DGKB: variants seen among roughly 807,000 people sequenced by gnomAD.
DGKB encodes 90 kDa diacylglycerol kinase.
In DGKB, 67 loss-of-function variants were observed where a neutral mutation model predicts 114.3. That is an observed-to-expected ratio of 0.59 (90% CI 0.48 to 0.72). The LOEUF is 0.72. Among genes scored for constraint, DGKB ranks in the 30% least tolerant of loss-of-function variants. DGKB has a pLI of 0.00. For synonymous variants in DGKB, 398 were observed against 323.1 expected (o/e 1.23, Z -2.49); for missense variants, 907 against 975.2 (o/e 0.93, Z 0.93).
At chr7:14,939,022 C>T (rs1785416969) in intron 1 of DGKB, among the ~76,000 whole-genome samples, 1 of 152,126 alleles carries the variant, frequency 6.6e-6, no homozygotes, top group Non-Finnish European at 1.5e-5. Context: ...CAGATTCACA[C>T]ACATTGCTGT....
chr7:14,166,399 T>C (rs190857839), intron 25 of DGKB, among the ~76,000 whole-genome samples: 48 of 152,350 alleles, frequency 3.2e-4, no homozygotes, highest in African/African-American at 1.1e-3. Flanking sequence ...ATTAGACTTA[T>C]TTAGTATTTT....
chr7:14,644,649 C>CA (rs1008965488), intron 13 of DGKB, among the ~76,000 whole-genome samples: 27 of 150,692 alleles, frequency 1.8e-4, no homozygotes, highest in Middle Eastern at 3.4e-3. Flanking sequence ...TAGTCACACA[C>CA]AAAAAAAAGA....
chr7:14,408,360 G>A (rs939913250), intron 21 of DGKB, among the ~76,000 whole-genome samples: 1 of 152,088 alleles, frequency 6.6e-6, no homozygotes, highest in Non-Finnish European at 1.5e-5. Context: ...GGACATTTCT[G>A]AAATCAATAA....
intron 15 of DGKB, among the ~76,000 whole-genome samples, chr7:14,617,716 C>A (rs1412646107): frequency 6.6e-6 from 1 of 151,640 alleles, no homozygotes; most frequent in Non-Finnish European, 1.5e-5. Context: ...CTACCACTTT[C>A]CATCTTGCCC....
intron 23 of DGKB, among the ~76,000 whole-genome samples, chr7:14,240,964 G>C (rs1793551133): frequency 6.6e-6 from 1 of 152,060 alleles, no homozygotes; most frequent in African/African-American, 2.4e-5. Context: ...TCCTTCAATA[G>C]ATATGACTTT....
chr7:14,356,486 C>T (rs1455938008), intron 21 of DGKB, among the ~76,000 whole-genome samples: 1 of 151,510 alleles, frequency 6.6e-6, no homozygotes, highest in Non-Finnish European at 1.5e-5. Flanking sequence ...CTCAGCCTCC[C>T]GAGTAGCTGG....
At chr7:14,611,942 T>C (rs143116255) in intron 16 of DGKB, among the ~76,000 whole-genome samples, 126 of 151,778 alleles carry the variant, frequency 8.3e-4, no homozygotes, top group Middle Eastern at 6.8e-3. Context: ...TGTTAAACTA[T>C]CAATAACATA....
chr7:14,246,778 C>T (rs553860005), intron 23 of DGKB, among the ~76,000 whole-genome samples: 1 of 152,016 alleles, frequency 6.6e-6, no homozygotes, highest in East Asian at 1.9e-4. Context: ...ATCTAATTAA[C>T]ATATCATCTC....
rs1828501089 is a variant in DGKB at position 14,431,862 on chromosome 7, C to T, written c.1835+46299G>A. On this transcript the variant is annotated intron_variant, in intron 21 of 25. Coordinates refer to ENST00000402815, the MANE Select transcript of DGKB (RefSeq NM_001350709.2). The stretch of plus-strand genomic sequence containing the variant: ...CTCATATGCAATAATGGGAAAGCCA[C>T]ATGGATTTATATTGTAGCTATGGTA... Among the ~76,000 whole-genome samples, 5 of 152,028 alleles carry T rather than the reference C, an allele frequency of 3.3e-5. No homozygotes were observed. In the South Asian group the frequency reaches 1.0e-3, roughly 31 times the overall value.
At chr7:14,942,496 T>G (rs943642463) in intron 1 of DGKB, among the ~76,000 whole-genome samples, 2 of 151,996 alleles carry the variant, frequency 1.3e-5, no homozygotes, top group East Asian at 3.9e-4. Flanking sequence ...TACAAGTGGA[T>G]GATTACGGTC....
At chr7:14,953,283 A>T (rs577794176) in intron 1 of DGKB, among the ~76,000 whole-genome samples, 109 of 152,280 alleles carry the variant, frequency 7.2e-4, no homozygotes, top group African/African-American at 2.5e-3. Context: ...TACTGAATGG[A>T]TAAAGTATTT....
At chr7:14,722,531 T>G (rs1232836409) in intron 5 of DGKB, among the ~76,000 whole-genome samples, 1 of 152,134 alleles carries the variant, frequency 6.6e-6, no homozygotes, top group African/African-American at 2.4e-5. Context: ...TAAAAAAGCT[T>G]GGCCAGGCAC....
chr7:14,689,518 A>T (rs1356221137), intron 9 of DGKB, among the ~76,000 whole-genome samples: 1 of 152,166 alleles, frequency 6.6e-6, no homozygotes, highest in Non-Finnish European at 1.5e-5. Flanking sequence ...GGCCTGGGCA[A>T]AGAGAATGCA....
At chr7:14,685,189 A>T (rs538533684) in intron 10 of DGKB, 56 bp downstream of exon 10, 3 of 1,164,688 alleles carry the variant, frequency 2.6e-6, no homozygotes, top group African/African-American at 3.0e-5. Flanking sequence ...CTATTCCATG[A>T]AATCAACCTT....
intron 25 of DGKB, among the ~76,000 whole-genome samples, chr7:14,162,178 C>G (rs1267598216): frequency 6.6e-6 from 1 of 152,092 alleles, no homozygotes. Context: ...GGTCAGAAGG[C>G]AAATGTGAGA....
At chr7:14,660,587 C>T (rs565047862) in intron 13 of DGKB, among the ~76,000 whole-genome samples, 88 of 151,994 alleles carry the variant, frequency 5.8e-4, no homozygotes, top group African/African-American at 1.8e-3. Context: ...ATTTTTATTG[C>T]GTCTATTTGA....
chr7:14,698,131 T>C lies in DGKB; in HGVS notation c.555A>G (p.Ala185=), dbSNP rs1281636406. 5 of 1,539,526 alleles carry C rather than the reference T, an allele frequency of 3.2e-6. No homozygotes were observed. In the African/African-American group the frequency reaches 5.7e-5, roughly 18 times the overall value. Residue 185 remains alanine, a synonymous_variant, in exon 8 of 26, where the codon GCA becomes GCG. Transcript: ENST00000402815. ...CAGTGACATCCCACTCAAGGTATTC[T>C]GCAACATGCATCATCTGACTGATGA... ...ENIISQMMHV[A]EYLEWDVTEL... is the part of the protein sequence containing the mutation.
intron 2 of DGKB, among the ~76,000 whole-genome samples, chr7:14,785,959 C>T (rs1288611614): frequency 6.6e-6 from 1 of 150,510 alleles, no homozygotes; most frequent in Non-Finnish European, 1.5e-5. Context: ...AGTTTTTATT[C>T]CATAAGCTTA....
chr7:14,446,817 G>C (rs1333367371), intron 21 of DGKB, among the ~76,000 whole-genome samples: 1 of 152,142 alleles, frequency 6.6e-6, no homozygotes, highest in African/African-American at 2.4e-5. Flanking sequence ...AATAGTGAGA[G>C]AGGAGGCAGT....
Sources: gnomAD v4.1 joint callset for allele counts (sites outside exome capture counted in the v4.1 genomes callset) on GRCh38, gnomAD v4.1.1 for gene constraint, MANE v1.5 for transcripts, NCBI Gene and HGNC (gene_info 2026-07-23, HGNC 2026-07-21) for gene names.